Variants in SLITRK2 observed in about 807,000 individuals in gnomAD.
The protein encoded by SLITRK2 is SLIT and NTRK-like protein 2.
Under a neutral mutation model 35.4 loss-of-function variants are expected in SLITRK2, and 13 were observed. That is an observed-to-expected ratio of 0.37 (90% CI 0.24 to 0.58). SLITRK2 has a LOEUF of 0.58. SLITRK2 is among the 20% of genes least tolerant of loss of function. SLITRK2 has a pLI of 0.75. For missense variants in SLITRK2, 471 were observed against 634.3 expected (o/e 0.74, Z 2.76); for synonymous variants, 294 against 264.7 (o/e 1.11, Z -1.07).
At chrX:145,821,121 TCACTCACA>T (rs2073004532) in intron 2 of SLITRK2, 1 of 43,839 alleles carries the variant, frequency 2.3e-5, no homozygotes, top group Non-Finnish European at 5.1e-5. Flanking sequence ...TCTCTCTCTC[TCACTCACA>T]CACACACACA....
intron 2 of SLITRK2, chrX:145,820,948 G>A (rs782682543): frequency 9.2e-6 from 1 of 109,201 alleles, no homozygotes; most frequent in East Asian, 2.9e-4. Context: ...AATCCCCTAA[G>A]AGAACTCCTC....
Position 145,822,641 on chromosome X carries a change from C to T in SLITRK2, c.216C>T (p.Asn72=). 8.3e-7 allele frequency: 1 copy of T among 1,211,689 alleles called. No homozygotes were observed. The highest frequency in any genetic ancestry group is 1.8e-5 in the South Asian group (1 of 56,960). Residue 72 remains asparagine, a synonymous_variant, in exon 5 of 5, where the codon AAC becomes AAT. Transcript: ENST00000335565. ...TCTATCAGCTTTTTCTCAATGGAAA[C>T]CTCTTGACAAGACTGTATCCAAACG... ...YRIYQLFLNG[N]LLTRLYPNEF...
chrX:145,822,599 G>A lies in SLITRK2; in HGVS notation c.174G>A (p.Gln58=). 8.3e-7 allele frequency: 1 copy of A among 1,210,979 alleles called. No individual in the cohort carries two copies. Among genetic ancestry groups the A allele is most frequent in the African/African-American group, 1.7e-5 (1 of 57,719 alleles). ...GATTTACAACAGTTAGCCTGCTCCA[G>A]CCCCCCCAGTATCGAATCTATCAGC... ...NKGFTTVSLL[Q]PPQYRIYQLF... is the part of the protein sequence containing the mutation. Residue 58 remains glutamine, a synonymous_variant, in exon 5 of 5, where the codon CAG becomes CAA. Transcript: ENST00000335565.
At chrX:145,819,722 C>T in intron 1 of SLITRK2, 1 of 111,788 alleles carries the variant, frequency 8.9e-6, no homozygotes, top group Non-Finnish European at 1.9e-5. Context: ...GGTGGGAGGC[C>T]ATCCACAGGG....
At chrX:145,819,709 C>T (rs2124126569) in intron 1 of SLITRK2, 1 of 112,064 alleles carries the variant, frequency 8.9e-6, no homozygotes, top group African/African-American at 3.2e-5. Context: ...AATTGCAATA[C>T]AGGGTGGGAG....
Position 145,822,435 on chromosome X carries a change from G to A in SLITRK2, c.10G>A (p.Gly4Ser), listed in dbSNP as rs149353052. The A allele has an allele frequency of 1.7e-4, 202 of 1,203,201 alleles. No homozygotes were observed. Among genetic ancestry groups the A allele is most frequent in the Non-Finnish European group, 2.2e-4 (193 of 892,330 alleles). MLS[G>S]VWFLSVLTVA... is the part of the protein sequence containing the mutation. Reference sequence around the variant, plus strand: ...CCGAAGGTGCCTAAAGATGCTGAGCGGCGTTTGGTTCCTCAGTGTGTTAAC... The same window carrying A: ...CCGAAGGTGCCTAAAGATGCTGAGCAGCGTTTGGTTCCTCAGTGTGTTAAC... The change falls in exon 5 of 5, where the codon GGC (glycine) becomes AGC (serine). Residue 4 changes from glycine to serine, a missense_variant. Gly to Ser is a moderately conservative substitution (Grantham distance 56, BLOSUM62 0). Coordinates refer to ENST00000335565, the MANE Select transcript of SLITRK2 (RefSeq NM_032539.5).
In SLITRK2 at chrX:145,825,065, G is replaced by A; in HGVS notation, c.*102G>A. 3.3e-6 allele frequency: 3 copies of A among 917,848 alleles called. No homozygotes were observed. Among genetic ancestry groups the A allele is most frequent in the Non-Finnish European group, 4.4e-6 (3 of 684,360 alleles). 75.6% of individuals were successfully genotyped at this position (917,848 alleles called of 1,213,427 possible). A position where few individuals can be genotyped will look rare whatever the true frequency, so the allele number is the denominator to read the frequency against. ...GTTTGTTTTTGTTCTCCCTTTCCCA[G>A]TGTTAATGGGGGACTTTGAAAATGT... On this transcript the variant is annotated 3_prime_UTR_variant, in exon 5 of 5. Transcript: ENST00000335565.
intron 1 of SLITRK2, chrX:145,818,950 G>A (rs1556942380): frequency 8.9e-6 from 1 of 111,933 alleles, no homozygotes; most frequent in African/African-American, 3.3e-5. Flanking sequence ...CGCGTTTCAG[G>A]CTGATTTGTT....
In SLITRK2 at chrX:145,822,949, G is replaced by A. The variant is rs2124160886; in HGVS notation, c.524G>A (p.Ser175Asn). The A allele has an allele frequency of 8.3e-7, 1 of 1,211,499 alleles. No individual in the cohort carries two copies. Reference protein sequence around the residue: ...LNDNLLLSLPSNVFRFVLLTH... With the variant: ...LNDNLLLSLPNNVFRFVLLTH... ...GACAACCTTCTGCTTTCACTGCCCA[G>A]CAATGTGTTCCGCTTTGTCCTGCTG... Residue 175 changes from serine (S) to asparagine (N), a missense_variant, in exon 5 of 5, where the codon AGC becomes AAC. Physicochemically the swap from Ser to Asn is conservative, Grantham distance 46. Around this residue, in one of 7 missense-constraint regions of SLITRK2, gnomAD observed 15 missense variants for 45.7 expected, o/e 0.33. Coordinates refer to ENST00000335565, the MANE Select transcript of SLITRK2 (RefSeq NM_032539.5).
chrX:145,818,240 G>C (rs2072921377), intron 1 of SLITRK2: 1 of 112,820 alleles, frequency 8.9e-6, no homozygotes, highest in South Asian at 3.6e-4. Context: ...GGGCGTGGTC[G>C]GGCTCCGCGC....
In SLITRK2 at chrX:145,824,431, A is replaced by G. The variant is rs782399434; in HGVS notation, c.2006A>G (p.Tyr669Cys). The G allele has an allele frequency of 8.3e-7, 1 of 1,211,001 alleles. No individual in the cohort carries two copies. The highest frequency in any genetic ancestry group is 2.2e-5 in the Admixed American group (1 of 46,008). Residue 669 changes from tyrosine (Y) to cysteine (C), a missense_variant, in exon 5 of 5, where the codon TAT becomes TGT. Physicochemically the swap from Tyr to Cys is radical, Grantham distance 194. Around this residue, in one of 7 missense-constraint regions of SLITRK2, gnomAD observed 190 missense variants for 199.3 expected, o/e 0.95. Transcript: ENST00000335565. ...NLDVSSFQLQ[Y>C]GSYNTETHDK... ...GACGTAAGCTCCTTTCAATTACAGT[A>G]TGGGTCTTACAACACTGAGACTCAC...
At position 145,823,582 on chromosome X, in the gene SLITRK2, A is replaced by G; in HGVS notation, c.1157A>G (p.Tyr386Cys). 2 of 1,211,525 alleles carry G rather than the reference A, an allele frequency of 1.7e-6. No homozygotes were observed. Among genetic ancestry groups the G allele is most frequent in the Non-Finnish European group, 1.1e-6 (1 of 895,072 alleles). The change falls in exon 5 of 5, where the codon TAT becomes TGT. Residue 386 changes from tyrosine to cysteine, a missense_variant. By Grantham distance (194) the Tyr-to-Cys change is radical (BLOSUM62 -2). Coordinates refer to ENST00000335565, the MANE Select transcript of SLITRK2 (RefSeq NM_032539.5). ...SPKKLYLTGN[Y>C]LQTVYKNDLL... ...AAGAAACTCTACCTAACAGGGAACTATCTTCAAACTGTCTATAAGAATGAC... is the reference window on the plus strand; with the variant it reads ...AAGAAACTCTACCTAACAGGGAACTGTCTTCAAACTGTCTATAAGAATGAC...
In SLITRK2 at chrX:145,822,062, A is replaced by T. The variant is rs1163198020; in HGVS notation, c.-135A>T. 11 of 152,235 alleles carry T rather than the reference A, an allele frequency of 7.2e-5. No homozygotes were observed. The highest frequency in any genetic ancestry group is 3.3e-4 in the South Asian group (1 of 3,017). The allele number at this position is 152,235 out of a possible 1,213,427, so 12.5% of individuals were successfully genotyped here. ...GCGAGCTGCCCGAGATCTCTTCGAG[A>T]TACCCCAGGGGAGGAGGAGATGGGC... is the stretch of plus-strand genomic sequence containing the variant. On this transcript the variant is annotated 5_prime_UTR_variant, in exon 4 of 5. Coordinates refer to ENST00000335565, the MANE Select transcript of SLITRK2 (RefSeq NM_032539.5).
chrX:145,818,214 C>G, intron 1 of SLITRK2, 188 bp downstream of exon 1: 1 of 112,112 alleles, frequency 8.9e-6, no homozygotes, highest in East Asian at 2.9e-4. Context: ...ATTCCTCACC[C>G]CGGGACCGTC....
chrX:145,829,282 C>T lies in SLITRK2; in HGVS notation c.*4319C>T, dbSNP rs187564000. 1.4e-4 allele frequency: 17 copies of T among 123,808 alleles called. No homozygotes were observed. The highest frequency in any genetic ancestry group is 4.5e-3 in the Middle Eastern group (1 of 220). 10.2% of individuals were successfully genotyped at this position (123,808 alleles called of 1,213,427 possible). A position where few individuals can be genotyped will look rare whatever the true frequency, so the allele number is the denominator to read the frequency against. On this transcript the variant is annotated 3_prime_UTR_variant, in exon 5 of 5. Coordinates refer to ENST00000335565, the MANE Select transcript of SLITRK2 (RefSeq NM_032539.5). Reference sequence around the variant, plus strand: ...GTGAATTCTTTCATAAAGCAGAAAACCATTTTATAATACAAATAACCATTC... The same window carrying T: ...GTGAATTCTTTCATAAAGCAGAAAATCATTTTATAATACAAATAACCATTC...
rs2073143063 is a variant in SLITRK2 at position 145,828,113 on chromosome X, A to G, written c.*3150A>G. The G allele has an allele frequency of 2.6e-6, 2 of 783,454 alleles. No homozygotes were observed. The highest frequency in any genetic ancestry group is 4.3e-5 in the Admixed American group (1 of 23,099). 64.6% of individuals were successfully genotyped at this position (783,454 alleles called of 1,213,427 possible). A position where few individuals can be genotyped will look rare whatever the true frequency, so the allele number is the denominator to read the frequency against. ...TTTTATTGAAACACTCAAAAATACC[A>G]CTTCTCAGTATGAACACAATTGCTA... is the stretch of plus-strand genomic sequence containing the variant. On this transcript the variant is annotated 3_prime_UTR_variant, in exon 5 of 5. Transcript: ENST00000335565.
In SLITRK2 at chrX:145,826,006, T is replaced by A. The variant is rs1189046829; in HGVS notation, c.*1043T>A. 4 of 112,356 alleles carry A rather than the reference T, an allele frequency of 3.6e-5. No individual in the cohort carries two copies. Among genetic ancestry groups the A allele is most frequent in the African/African-American group, 1.3e-4 (4 of 30,828 alleles). 9.3% of individuals were successfully genotyped at this position (112,356 alleles called of 1,213,427 possible). ...TTTTATATATTTAAATGAAAAAGTCTGTATTTCTAACTTTTTAATTGAAAT... is the reference window on the plus strand; with the variant it reads ...TTTTATATATTTAAATGAAAAAGTCAGTATTTCTAACTTTTTAATTGAAAT... On this transcript the variant is annotated 3_prime_UTR_variant, in exon 5 of 5. Coordinates refer to ENST00000335565, the MANE Select transcript of SLITRK2 (RefSeq NM_032539.5).
chrX:145,823,147 T>C lies in SLITRK2; in HGVS notation c.722T>C (p.Ile241Thr). The C allele has an allele frequency of 8.3e-7, 1 of 1,211,419 alleles. No homozygotes were observed. Among genetic ancestry groups the C allele is most frequent in the Middle Eastern group, 2.3e-4 (1 of 4,356 alleles). The change falls in exon 5 of 5, where the codon ATT (isoleucine) becomes ACT (threonine). Residue 241 changes from isoleucine (I) to threonine (T), a missense_variant. Ile to Thr is a moderately conservative substitution (Grantham distance 89). Transcript: ENST00000335565. The stretch of plus-strand genomic sequence containing the variant: ...ACCATAACTGTTTTTGTGGGAGAGA[T>C]TGTCTGTGAGACTCCCTTTAGGTTG... Reference protein sequence around the residue: ...LDTITVFVGEIVCETPFRLHG... With the variant: ...LDTITVFVGETVCETPFRLHG...
rs1569507525 is a variant in SLITRK2 at position 145,826,343 on chromosome X, C to T, written c.*1380C>T. The T allele has an allele frequency of 8.9e-6, 1 of 112,111 alleles. No homozygotes were observed. The highest frequency in any genetic ancestry group is 9.4e-5 in the Admixed American group (1 of 10,598). 9.2% of individuals were successfully genotyped at this position (112,111 alleles called of 1,213,427 possible). ...TAATGGGGTGCTATCAAATCAAGTA[C>T]TATTTGCGTCTCCAAATCGATTAAT... is the stretch of plus-strand genomic sequence containing the variant. On this transcript the variant is annotated 3_prime_UTR_variant, in exon 5 of 5. Transcript: ENST00000335565.
Sources: gnomAD v4.1 joint callset for allele counts on GRCh38, gnomAD v4.1.1 for gene constraint, gnomAD v4.1.1 regional missense constraint, MANE v1.5 for transcripts, NCBI Gene and HGNC (gene_info 2026-07-23, HGNC 2026-07-21) for gene names.